SLC35F3: variants seen among roughly 807,000 people sequenced by gnomAD.
SLC35F3 encodes solute carrier family 35 member F3.
SLC35F3 carries 25 observed loss-of-function variants against 49.9 expected under a neutral mutation model. The observed-to-expected ratio is 0.50, with a 90% CI of 0.37 to 0.70. The LOEUF (loss-of-function observed/expected upper bound fraction) is 0.70. Among genes scored for constraint, SLC35F3 ranks in the 30% least tolerant of loss-of-function variants. SLC35F3 has a pLI of 0.00. For missense variants in SLC35F3, 525 were observed against 639.8 expected (o/e 0.82, Z 1.94); for synonymous variants, 275 against 265.4 (o/e 1.04, Z -0.35).
intron 2 of SLC35F3, among the ~76,000 whole-genome samples, chr1:234,043,468 A>G (rs763787453): frequency 6.6e-6 from 1 of 152,208 alleles, no homozygotes; most frequent in Non-Finnish European, 1.5e-5. Context: ...GAAGAGTAGC[A>G]TTGTTTTACA....
intron 2 of SLC35F3, among the ~76,000 whole-genome samples, chr1:234,144,476 A>T (rs879532798): frequency 1.3e-5 from 2 of 152,144 alleles, no homozygotes; most frequent in Non-Finnish European, 2.9e-5. Context: ...CCTCTCACTG[A>T]TGGCTTTCAT....
At chr1:234,267,460 C>G (rs1453704834) in intron 3 of SLC35F3, among the ~76,000 whole-genome samples, 1 of 147,976 alleles carries the variant, frequency 6.8e-6, no homozygotes, top group East Asian at 2.1e-4. Context: ...GGCGGCCGGG[C>G]AGAAGCGCCC....
chr1:234,061,919 C>T (rs1664547264), intron 2 of SLC35F3, among the ~76,000 whole-genome samples: 1 of 152,150 alleles, frequency 6.6e-6, no homozygotes, highest in Non-Finnish European at 1.5e-5. Context: ...ATATTTATAA[C>T]AGTTACTTGA....
intron 2 of SLC35F3, among the ~76,000 whole-genome samples, chr1:234,227,673 C>T (rs1667308897): frequency 2.0e-5 from 3 of 152,186 alleles, no homozygotes; most frequent in Admixed American, 2.0e-4. Context: ...GCTGGGATTA[C>T]AGGCGTGAGC....
intron 2 of SLC35F3, among the ~76,000 whole-genome samples, chr1:234,071,761 C>T (rs1664715163): frequency 6.6e-6 from 1 of 152,182 alleles, no homozygotes; most frequent in Non-Finnish European, 1.5e-5. Context: ...AATAACAGCT[C>T]CTCCCAAACT....
intron 3 of SLC35F3, among the ~76,000 whole-genome samples, chr1:234,290,004 A>G (rs1429101275): frequency 1.3e-5 from 2 of 152,236 alleles, no homozygotes; most frequent in East Asian, 1.9e-4. Context: ...ATGAAGAACA[A>G]AATTGGAAAC....
intron 2 of SLC35F3, among the ~76,000 whole-genome samples, chr1:234,133,363 G>T (rs986163990): frequency 6.6e-6 from 1 of 152,048 alleles, no homozygotes; most frequent in Non-Finnish European, 1.5e-5. Context: ...TCTTTGATTC[G>T]TATTTAAAGG....
At chr1:234,282,583 C>G (rs186273170) in intron 3 of SLC35F3, among the ~76,000 whole-genome samples, 1 of 152,344 alleles carries the variant, frequency 6.6e-6, no homozygotes, top group Admixed American at 6.5e-5. Context: ...CCTCAACCAG[C>G]TGGGGGAGAA....
chr1:233,966,954 A>G (rs1421992894), intron 2 of SLC35F3, among the ~76,000 whole-genome samples: 2 of 152,194 alleles, frequency 1.3e-5, no homozygotes, highest in Non-Finnish European at 1.5e-5. Context: ...TTCTGCATCA[A>G]AAAGGTCCTT....
At chr1:234,260,425 G>A (rs372701671) in intron 3 of SLC35F3, among the ~76,000 whole-genome samples, 4 of 152,146 alleles carry the variant, frequency 2.6e-5, no homozygotes, top group Admixed American at 6.5e-5. Flanking sequence ...AGAATTCAGC[G>A]ATGGCCATCT....
chr1:234,025,829 T>C (rs796359449), intron 2 of SLC35F3, among the ~76,000 whole-genome samples: 3 of 152,262 alleles, frequency 2.0e-5, no homozygotes, highest in African/African-American at 7.2e-5. Flanking sequence ...TAGTTCCCAA[T>C]TGTCAATTTT....
intron 2 of SLC35F3, among the ~76,000 whole-genome samples, chr1:233,936,535 CT>C (rs1480319806): frequency 6.9e-6 from 1 of 145,862 alleles, no homozygotes; most frequent in Non-Finnish European, 1.5e-5. Context: ...CCTCCTCCTT[CT>C]TCCTCCTCCT....
chr1:234,159,845 A>G (rs920178090), intron 2 of SLC35F3, among the ~76,000 whole-genome samples: 2 of 152,122 alleles, frequency 1.3e-5, no homozygotes, highest in African/African-American at 4.8e-5. Context: ...TCACTACACA[A>G]TCATGGCAGA....
Position 233,905,859 on chromosome 1 carries a change from C to A in SLC35F3, c.283+101C>A. The A allele has an allele frequency of 8.2e-6, 9 of 1,098,990 alleles. No homozygotes were observed. In the South Asian group the frequency reaches 1.2e-4, roughly 15 times the overall value. The allele number at this position is 1,098,990 out of a possible 1,614,324, so 68.1% of individuals were successfully genotyped here. On this transcript the variant is annotated intron_variant, in intron 2 of 7. Coordinates refer to ENST00000366618, the MANE Select transcript of SLC35F3 (RefSeq NM_173508.4). ...CACGCAGTGAGGCGTCCAGCCACCC[C>A]CTCCCGCCCTGCCTGCTGATACAGA...
At chr1:234,302,665 G>T (rs1668711111) in intron 3 of SLC35F3, among the ~76,000 whole-genome samples, 1 of 152,160 alleles carries the variant, frequency 6.6e-6, no homozygotes, top group Non-Finnish European at 1.5e-5. Context: ...ATAAGCCCAG[G>T]CTGCAGGTTT....
chr1:233,923,033 C>A (rs1662092169), intron 2 of SLC35F3, among the ~76,000 whole-genome samples: 1 of 152,158 alleles, frequency 6.6e-6, no homozygotes, highest in Admixed American at 6.5e-5. Flanking sequence ...CAATACCATG[C>A]TGTTTTGGTT....
At chr1:233,925,653 G>A (rs1451663020) in intron 2 of SLC35F3, among the ~76,000 whole-genome samples, 1 of 152,150 alleles carries the variant, frequency 6.6e-6, no homozygotes, top group Non-Finnish European at 1.5e-5. Flanking sequence ...ATATTGTTAT[G>A]TGTGAATTTG....
At chr1:233,906,884 T>G (rs902880350) in intron 2 of SLC35F3, among the ~76,000 whole-genome samples, 3 of 152,246 alleles carry the variant, frequency 2.0e-5, no homozygotes, top group Non-Finnish European at 4.4e-5. Context: ...TTTGAATGTT[T>G]TGTTTTCATG....
In SLC35F3 at chr1:233,957,975, A is replaced by C. The variant is rs1456998616; in HGVS notation, c.283+52217A>C. Among the ~76,000 whole-genome samples, 2 of 152,120 alleles carry C rather than the reference A, an allele frequency of 1.3e-5. No individual in the cohort carries two copies. On this transcript the variant is annotated intron_variant, in intron 2 of 7. Coordinates refer to ENST00000366618, the MANE Select transcript of SLC35F3 (RefSeq NM_173508.4). The surrounding 1 kb of genome is among the most constrained non-coding windows in gnomAD (Gnocchi z 4.0). ...TTTGCTGAGGCTTAACTAGGACTTG[A>C]TGACTAGACCGCTTTTCCAAATGTT...
Sources: gnomAD v4.1 joint callset for allele counts (sites outside exome capture counted in the v4.1 genomes callset) on GRCh38, gnomAD v4.1.1 for gene constraint, Gnocchi (gnomAD v3.1) non-coding constraint, MANE v1.5 for transcripts, NCBI Gene and HGNC (gene_info 2026-07-23, HGNC 2026-07-21) for gene names.